The following CCDC171 variants were observed in gnomAD, a reference collection of about 807,000 sequenced individuals.
The protein encoded by CCDC171 is coiled-coil domain containing 171, also known as coiled-coil domain-containing protein 171.
In CCDC171, 177 loss-of-function variants were observed where a neutral mutation model predicts 168.2. The observed-to-expected ratio is 1.05, with a 90% confidence interval of 0.93 to 1.19. CCDC171 has a LOEUF of 1.19. Ranked by LOEUF, CCDC171 falls within the 50% of genes most tolerant of loss-of-function variation. The pLI, the probability that CCDC171 is intolerant of heterozygous loss-of-function variation, is 0.00. For missense variants in CCDC171, 1,991 were observed against 1,539.0 expected, an observed-to-expected ratio of 1.29 and a Z score of -4.91; for synonymous variants, 687 against 540.8, an observed-to-expected ratio of 1.27 and a Z score of -3.75.
At chr9:15,670,961 G>A (rs958786348) in intron 9 of CCDC171, among the ~76,000 whole-genome samples, 8 of 152,022 alleles carry the variant, frequency 5.3e-5, no homozygotes, top group South Asian at 2.1e-4. Context: ...TTTTGGTGGC[G>A]CATGTTTGTA....
intron 6 of CCDC171, among the ~76,000 whole-genome samples, chr9:15,610,409 C>G (rs1327715226): frequency 8.1e-6 from 1 of 123,872 alleles, no homozygotes; most frequent in Non-Finnish European, 1.6e-5. Flanking sequence ...GAGTTCAAGA[C>G]CAGCCTGGCC....
intron 25 of CCDC171, among the ~76,000 whole-genome samples, chr9:15,966,902 T>C (rs570982110): frequency 6.6e-5 from 10 of 152,170 alleles, no homozygotes; most frequent in East Asian, 1.9e-4. Context: ...TGTGTATATA[T>C]ATATATATAT....
At chr9:15,997,599 A>G (rs796141250) in intron 3 of CCDC171, among the ~76,000 whole-genome samples, 1 of 152,196 alleles carries the variant, frequency 6.6e-6, no homozygotes, top group African/African-American at 2.4e-5. Context: ...GAGACAAACT[A>G]CAGCCCCTGT....
chr9:15,647,595 A>C (rs1413034528), intron 7 of CCDC171, among the ~76,000 whole-genome samples: 1 of 152,200 alleles, frequency 6.6e-6, no homozygotes, highest in African/African-American at 2.4e-5. Context: ...AATAGAGACT[A>C]CCATCAGAGA....
chr9:15,706,228 C>CCTTT, intron 11 of CCDC171, among the ~76,000 whole-genome samples: 1 of 150,966 alleles, frequency 6.6e-6, no homozygotes, highest in South Asian at 2.1e-4. Flanking sequence ...TTCCTTCCTT[C>CCTTT]CTTCCTTCCT....
the CCDC171 span, among the ~76,000 whole-genome samples, chr9:16,084,466 A>G: frequency 6.6e-6 from 1 of 152,212 alleles, no homozygotes; most frequent in African/African-American, 2.4e-5. Context: ...GCTTGAGAGC[A>G]ACAACAGTAG....
At chr9:16,055,362 G>A (rs1237910201) in intron 1 of CCDC171, among the ~76,000 whole-genome samples, 2 of 152,144 alleles carry the variant, frequency 1.3e-5, no homozygotes, top group African/African-American at 2.4e-5. Flanking sequence ...AAAGCCACAG[G>A]CTGGCTGAGC....
At chr9:15,579,076 T>G in intron 4 of CCDC171, 53 bp downstream of exon 4, 1 of 1,418,968 alleles carries the variant, frequency 7.0e-7, no homozygotes, top group South Asian at 1.2e-5. Flanking sequence ...TGATTGTATA[T>G]CACTCCTCGC....
chr9:15,885,669 G>T (rs932407034), intron 24 of CCDC171: 8 of 152,222 alleles, frequency 5.3e-5, no homozygotes, highest in Admixed American at 4.6e-4. Context: ...AGTTTTCTTT[G>T]CATAATGCCT....
At chr9:15,679,094 T>C (rs1162522062) in intron 10 of CCDC171, among the ~76,000 whole-genome samples, 198 bp downstream of exon 10, 1 of 151,994 alleles carries the variant, frequency 6.6e-6, no homozygotes, top group African/African-American at 2.4e-5. Flanking sequence ...TTTGGAATAA[T>C]TGGGGGAAAC....
intron 24 of CCDC171, among the ~76,000 whole-genome samples, chr9:15,890,668 G>C (rs1175349497): frequency 6.6e-6 from 1 of 151,840 alleles, no homozygotes; most frequent in Non-Finnish European, 1.5e-5. Context: ...AAAATCAGAA[G>C]GCACCTGGGA....
At position 15,925,065 on chromosome 9, in the gene CCDC171, T is replaced by C. The variant is rs577953342; in HGVS notation, c.3753+4643T>C. Among the ~76,000 whole-genome samples, 11 of 151,740 alleles carry C rather than the reference T, an allele frequency of 7.2e-5. No individual in the cohort carries two copies. In the East Asian group the frequency reaches 2.1e-3, roughly 29 times the overall value. On this transcript the variant is annotated intron_variant, in intron 25 of 25. Transcript: ENST00000380701. Reference sequence around the variant, plus strand: ...GGGCACAGTTCTGTTCTTGGAGATATCATACGAACCAAAACAGACAATCCT... The same window carrying C: ...GGGCACAGTTCTGTTCTTGGAGATACCATACGAACCAAAACAGACAATCCT...
intron 9 of CCDC171, among the ~76,000 whole-genome samples, chr9:15,669,019 C>T (rs996212325): frequency 1.3e-5 from 2 of 152,050 alleles, no homozygotes; most frequent in Non-Finnish European, 2.9e-5. Context: ...TGTGAACTGA[C>T]GTAGCAGTTT....
At chr9:15,910,179 C>G (rs1160590242) in intron 24 of CCDC171, among the ~76,000 whole-genome samples, 7 of 78,182 alleles carry the variant, frequency 9.0e-5, no homozygotes, top group Non-Finnish European at 1.9e-4. Flanking sequence ...TGTGCACACA[C>G]ACACACACAC....
Position 15,586,888 on chromosome 9 carries a change from GC to G in CCDC171, c.353-4476del, listed in dbSNP as rs527947683. ...AGTGGTGTGGTCATAGCTCAGTGCA[GC>G]CTTGAACTCCTGGGCTTAAGCCATC... On this transcript the variant is annotated intron_variant, in intron 4 of 25. Transcript: ENST00000380701. Among the ~76,000 whole-genome samples the G allele has an allele frequency of 1.8e-3, 273 of 152,156 alleles. 1 individual carries two copies. Among genetic ancestry groups the G allele is most frequent in the African/African-American group, 6.3e-3 (262 of 41,522 alleles).
chr9:15,723,066 C>A (rs187881185), intron 12 of CCDC171, among the ~76,000 whole-genome samples: 39 of 152,220 alleles, frequency 2.6e-4, no homozygotes, highest in African/African-American at 8.2e-4. Context: ...GAACCAGTGC[C>A]AGAGACAGCA....
Position 15,852,656 on chromosome 9 carries a change from T to C in CCDC171, c.3468+3709T>C, listed in dbSNP as rs74669328. On this transcript the variant is annotated intron_variant, in intron 23 of 25. Transcript: ENST00000380701. Reference sequence around the variant, plus strand: ...TCATATCTAATAATCCATGTCCAAATGCAAAGTCGTGAAGCTTTCCCCTCT... The same window carrying C: ...TCATATCTAATAATCCATGTCCAAACGCAAAGTCGTGAAGCTTTCCCCTCT... Among the ~76,000 whole-genome samples, 1,458 of 151,840 alleles carry C rather than the reference T, an allele frequency of 9.6e-3. 26 individuals carry two copies. The highest frequency in any genetic ancestry group is 0.034 in the African/African-American group (1,391 of 41,514).
intron 11 of CCDC171, among the ~76,000 whole-genome samples, chr9:15,699,088 G>A (rs1001053483): frequency 2.5e-5 from 3 of 118,368 alleles, no homozygotes; most frequent in South Asian, 2.6e-4. Flanking sequence ...TGCGGTGAGC[G>A]TTAACAGTTC....
chr9:15,599,501 T>C (rs1337507685), intron 6 of CCDC171, among the ~76,000 whole-genome samples: 1 of 152,218 alleles, frequency 6.6e-6, no homozygotes, highest in Non-Finnish European at 1.5e-5. Context: ...GCTTGTAGAT[T>C]TTCTGCCGAG....
Sources: gnomAD v4.1 joint callset for allele counts (sites outside exome capture counted in the v4.1 genomes callset) on GRCh38, gnomAD v4.1.1 for gene constraint, MANE v1.5 for transcripts, NCBI Gene and HGNC (gene_info 2026-07-23, HGNC 2026-07-21) for gene names.